The following SAP30BP variants were observed in gnomAD, a reference collection of about 807,000 sequenced individuals.
SAP30BP encodes SAP30 binding protein.
In SAP30BP, 31 loss-of-function variants were observed where a neutral mutation model predicts 46.3. That is an observed-to-expected ratio of 0.67 (90% CI 0.50 to 0.90). The LOEUF (loss-of-function observed/expected upper bound fraction) is 0.90, where lower values mean the gene tolerates loss of function less well. Ranked by LOEUF, SAP30BP falls within the 40% of genes least tolerant of loss-of-function variation. The probability of loss-of-function intolerance (pLI) is 0.00; values close to 1 mark genes in which losing one functional copy is unlikely to be tolerated. For missense variants in SAP30BP, 312 were observed against 391.0 expected (o/e 0.80, Z 1.70); for synonymous variants, 169 against 144.2 (o/e 1.17, Z -1.23).
intron 4 of SAP30BP, among the ~76,000 whole-genome samples, chr17:75,695,230 A>T (rs748564734): frequency 3.0e-4 from 46 of 152,356 alleles, no homozygotes; most frequent in Admixed American, 4.6e-4. Flanking sequence ...CAGGGTGTTT[A>T]GCAGTGTCCT....
At position 75,702,044 on chromosome 17, in the gene SAP30BP, G is replaced by C. The variant is rs140926522; in HGVS notation, c.397-436G>C. Among the ~76,000 whole-genome samples, 419 of 152,220 alleles carry C rather than the reference G, an allele frequency of 2.8e-3. 3 individuals carry two copies. The highest frequency in any genetic ancestry group is 9.3e-3 in the African/African-American group (388 of 41,526). On this transcript the variant is annotated intron_variant, in intron 5 of 10. Transcript: ENST00000584667. The stretch of plus-strand genomic sequence containing the variant: ...GATTAATTTTTTGTTTTGTTTTGTC[G>C]AGACAGTCTCACTGCATCACCAGGC...
intron 3 of SAP30BP, among the ~76,000 whole-genome samples, chr17:75,686,373 A>G (rs1341612743): frequency 2.0e-5 from 3 of 152,056 alleles, no homozygotes. Context: ...AAAATTAGCC[A>G]GGCGTGGTGG....
At chr17:75,675,966 A>G (rs916514615) in intron 3 of SAP30BP, among the ~76,000 whole-genome samples, 2 of 152,214 alleles carry the variant, frequency 1.3e-5, no homozygotes, top group African/African-American at 2.4e-5. Flanking sequence ...TTTAGAAAAA[A>G]TAAGTATTTC....
At chr17:75,676,157 A>G (rs2059987371) in intron 3 of SAP30BP, among the ~76,000 whole-genome samples, 1 of 152,232 alleles carries the variant, frequency 6.6e-6, no homozygotes, top group South Asian at 2.1e-4. Flanking sequence ...AAGGTTAGTT[A>G]CATCATGGAA....
chr17:75,704,812 AAAGT>A lies in SAP30BP; in HGVS notation c.660+3_660+6del. On this transcript the variant is annotated splice_donor_variant and coding_sequence_variant, in exon 9 of 11. Coordinates refer to ENST00000584667, the MANE Select transcript of SAP30BP (RefSeq NM_013260.8). LOFTEE classifies it high-confidence loss of function. ...GGAAAAGGCCAAAAAGGAGCGAACA[AAAGT>A]AAGTGATGGCAGACCTCCTAGATGA... The A allele has an allele frequency of 6.2e-6, 10 of 1,612,736 alleles. No homozygotes were observed. Among genetic ancestry groups the A allele is most frequent in the Non-Finnish European group, 8.5e-6 (10 of 1,178,958 alleles).
intron 3 of SAP30BP, among the ~76,000 whole-genome samples, chr17:75,687,384 G>A (rs1172227426): frequency 3.3e-5 from 5 of 152,156 alleles, no homozygotes; most frequent in Admixed American, 3.3e-4. Context: ...GGGAGGCTGT[G>A]GCAGGAGGAT....
intron 3 of SAP30BP, chr17:75,692,537 T>G (rs1421253322): frequency 1.0e-6 from 1 of 984,862 alleles, no homozygotes; most frequent in Non-Finnish European, 1.2e-6. Context: ...GGTGTGTTCT[T>G]GCCATTTTAC....
At chr17:75,680,475 G>A (rs751842815) in intron 3 of SAP30BP, among the ~76,000 whole-genome samples, 2 of 152,198 alleles carry the variant, frequency 1.3e-5, no homozygotes, top group African/African-American at 2.4e-5. Context: ...GGAACCACAG[G>A]CCTGTAACTT....
chr17:75,696,766 C>CTTTT (rs34464076), intron 4 of SAP30BP, among the ~76,000 whole-genome samples: 4 of 100,674 alleles, frequency 4.0e-5, no homozygotes, highest in South Asian at 3.5e-4. Flanking sequence ...CTCCCCTCCT[C>CTTTT]TTTTTTTTTT....
chr17:75,693,213 G>A (rs1005840032), intron 3 of SAP30BP: 3 of 535,910 alleles, frequency 5.6e-6, no homozygotes, highest in East Asian at 3.2e-5. Context: ...AAGGCATGGA[G>A]GAGAGACCGG....
intron 4 of SAP30BP, among the ~76,000 whole-genome samples, chr17:75,698,808 C>T (rs2148414338): frequency 6.6e-6 from 1 of 152,322 alleles, no homozygotes. Context: ...TGGCAAATGC[C>T]ACAGATCATG....
Position 75,707,129 on chromosome 17 carries a change from G to A in SAP30BP, c.*608G>A, listed in dbSNP as rs1350345759. On this transcript the variant is annotated 3_prime_UTR_variant, in exon 11 of 11. Transcript: ENST00000584667. ...CAGGAAGGCTTTTGAAGTCAAGCCA[G>A]TTTCCAGAAGGGCTGGGGTGAGATC... is the stretch of plus-strand genomic sequence containing the variant. The A allele has an allele frequency of 6.5e-6, 1 of 154,996 alleles. No individual in the cohort carries two copies. Among genetic ancestry groups the A allele is most frequent in the Non-Finnish European group, 1.4e-5 (1 of 69,786 alleles). The allele number at this position is 154,996 out of a possible 1,614,324, so 9.6% of individuals were successfully genotyped here.
At chr17:75,692,453 G>A (rs998690827) in intron 3 of SAP30BP, 6 of 985,334 alleles carry the variant, frequency 6.1e-6, no homozygotes, top group South Asian at 4.7e-5. Context: ...TGATGAGCAC[G>A]TGTGGCCCTT....
chr17:75,686,232 T>C (rs1292745629), intron 3 of SAP30BP, among the ~76,000 whole-genome samples: 1 of 152,194 alleles, frequency 6.6e-6, no homozygotes, highest in Non-Finnish European at 1.5e-5. Context: ...CCTTCTGTGG[T>C]TGGGGCCGGG....
At chr17:75,670,398 C>T (rs1335013315) in intron 2 of SAP30BP, among the ~76,000 whole-genome samples, 1 of 152,020 alleles carries the variant, frequency 6.6e-6, no homozygotes, top group Non-Finnish European at 1.5e-5. Context: ...TACTTTCATG[C>T]CTTTAGCCCC....
At chr17:75,703,279 G>T in intron 6 of SAP30BP, 32 bp from the exon 7 acceptor site, 1 of 1,612,030 alleles carries the variant, frequency 6.2e-7, no homozygotes, top group Non-Finnish European at 8.5e-7. Context: ...ACGTGGACTT[G>T]TGCCTGCTCA....
intron 2 of SAP30BP, among the ~76,000 whole-genome samples, chr17:75,670,644 T>C (rs1472641845): frequency 6.6e-6 from 1 of 152,256 alleles, no homozygotes; most frequent in Non-Finnish European, 1.5e-5. Flanking sequence ...GATCTTGTTG[T>C]AGAGATTCTG....
At chr17:75,699,939 C>G (rs1804734790) in intron 5 of SAP30BP, 68 bp downstream of exon 5, 1 of 1,183,034 alleles carries the variant, frequency 8.5e-7, no homozygotes, top group Non-Finnish European at 1.2e-6. Flanking sequence ...TTGGTTTGGT[C>G]TTAATCTTAA....
chr17:75,679,251 C>T (rs1359710080), intron 3 of SAP30BP, among the ~76,000 whole-genome samples: 1 of 152,108 alleles, frequency 6.6e-6, no homozygotes, highest in Non-Finnish European at 1.5e-5. Context: ...CTGCCTCGGC[C>T]TCCCAAAGTG....
Sources: allele counts gnomAD v4.1 joint callset (sites outside exome capture counted in the v4.1 genomes callset), GRCh38; gene constraint gnomAD v4.1.1; transcripts MANE v1.5; gene names NCBI Gene and HGNC (gene_info 2026-07-23, HGNC 2026-07-21).